Variants in CSMD1 observed in about 807,000 individuals in gnomAD.
CSMD1 encodes the protein CUB and Sushi multiple domains 1.
CSMD1 carries 213 observed loss-of-function variants against 417.5 expected under a neutral mutation model. The ratio of observed to expected loss-of-function variants is 0.51; its 90% CI spans 0.46 to 0.57. The LOEUF is 0.57. Among genes scored for constraint, CSMD1 ranks in the 20% least tolerant of loss-of-function variants. The pLI is 0.00. For synonymous variants in CSMD1, 2,862 were observed against 1,736.8 expected (o/e 1.65, Z -16.11); for missense variants, 6,923 against 4,529.7 (o/e 1.53, Z -15.17).
rs996611516 is a variant in CSMD1 at position 3,667,822 on chromosome 8, A to G, written c.1009+40592T>C. 5.3e-5 allele frequency among the ~76,000 whole-genome samples: 8 copies of G among 152,306 alleles called. No individual in the cohort carries two copies. In the East Asian group the frequency reaches 1.5e-3, roughly 29 times the overall value. ...CAGAAGACCCAGGGCAAATTCATGA[A>G]CAGCAGGCATCCTGGAGTGTCTGTA... On this transcript the variant is annotated intron_variant, in intron 7 of 69. Transcript: ENST00000635120.
chr8:4,433,688 C>T (rs1797995158), intron 2 of CSMD1, among the ~76,000 whole-genome samples: 1 of 152,130 alleles, frequency 6.6e-6, no homozygotes, highest in Non-Finnish European at 1.5e-5. Context: ...CAGTCATTCA[C>T]CTGGCATGTG....
intron 10 of CSMD1, among the ~76,000 whole-genome samples, chr8:3,567,815 C>T (rs539520988): frequency 6.6e-6 from 1 of 152,162 alleles, no homozygotes; most frequent in Non-Finnish European, 1.5e-5. Context: ...CTCTGCAGAT[C>T]CGTCACTATT....
chr8:3,595,265 C>G (rs376086398), intron 8 of CSMD1, among the ~76,000 whole-genome samples: 1 of 152,276 alleles, frequency 6.6e-6, no homozygotes. Context: ...GAAACAATGT[C>G]CCATTGTGTG....
intron 1 of CSMD1, among the ~76,000 whole-genome samples, chr8:4,638,715 G>A (rs1467697028): frequency 6.6e-6 from 1 of 152,158 alleles, no homozygotes; most frequent in African/African-American, 2.4e-5. Flanking sequence ...CCTCCCTTAA[G>A]AACTTCCCTT....
chr8:3,399,311 T>G, intron 16 of CSMD1, 80 bp downstream of exon 16: 1 of 1,346,554 alleles, frequency 7.4e-7, no homozygotes, highest in Non-Finnish European at 1.0e-6. Flanking sequence ...GCCATCTTTT[T>G]AAAGTTTAAG....
chr8:4,425,597 C>T (rs765044721), intron 2 of CSMD1, among the ~76,000 whole-genome samples: 1 of 152,114 alleles, frequency 6.6e-6, no homozygotes, highest in Non-Finnish European at 1.5e-5. Context: ...CATGAAAGTA[C>T]TTCTGTGAGT....
intron 2 of CSMD1, among the ~76,000 whole-genome samples, chr8:4,611,506 G>T (rs564046825): frequency 1.5e-4 from 23 of 152,174 alleles, no homozygotes; most frequent in African/African-American, 4.8e-4. Flanking sequence ...AAAACTTGTG[G>T]ATAAAACTAT....
At chr8:3,553,122 G>A (rs1294710568) in intron 10 of CSMD1, among the ~76,000 whole-genome samples, 36 of 146,784 alleles carry the variant, frequency 2.5e-4, no homozygotes, top group African/African-American at 4.8e-4. Flanking sequence ...TGTGGACAAG[G>A]AGAAAAAAAA....
At chr8:4,420,876 G>T (rs12114400) in intron 2 of CSMD1, among the ~76,000 whole-genome samples, 1 of 152,084 alleles carries the variant, frequency 6.6e-6, no homozygotes, top group African/African-American at 2.4e-5. Context: ...TGTGAAGCCT[G>T]GTCTGTCCTC....
intron 5 of CSMD1, among the ~76,000 whole-genome samples, chr8:3,853,447 T>G (rs1476127902): frequency 6.6e-6 from 1 of 152,186 alleles, no homozygotes; most frequent in Non-Finnish European, 1.5e-5. Flanking sequence ...TCCCAGGAAA[T>G]GGTAAACTCT....
At chr8:3,308,286 A>C (rs1805045218) in intron 24 of CSMD1, 26 bp downstream of exon 24, 1 of 1,575,754 alleles carries the variant, frequency 6.3e-7, no homozygotes, top group African/African-American at 1.3e-5. Flanking sequence ...GCTTTTGCAC[A>C]ATGGTATGAC....
intron 9 of CSMD1, among the ~76,000 whole-genome samples, chr8:3,582,389 G>T (rs1023102220): frequency 1.3e-5 from 2 of 152,158 alleles, no homozygotes; most frequent in Non-Finnish European, 2.9e-5. Flanking sequence ...CATACTCAGG[G>T]TTCCTAAAAG....
rs531014354 is a variant in CSMD1 at position 3,523,376 on chromosome 8, T to C, written c.1345-29650A>G. On this transcript the variant is annotated intron_variant, in intron 10 of 69. Transcript: ENST00000635120. ...TTCTGAGATTACGTGAGATGGAACT[T>C]TGAGGGACAAAGAAAGCTCTCAATG... Among the ~76,000 whole-genome samples the C allele has an allele frequency of 1.5e-3, 230 of 152,300 alleles. 1 individual carries two copies. Among genetic ancestry groups the C allele is most frequent in the African/African-American group, 5.4e-3 (223 of 41,570 alleles).
chr8:4,120,347 A>G (rs1453328280), intron 3 of CSMD1, among the ~76,000 whole-genome samples: 1 of 151,920 alleles, frequency 6.6e-6, no homozygotes, highest in Non-Finnish European at 1.5e-5. Context: ...AGATAAGATT[A>G]TTTTATAAAA....
At chr8:4,153,133 G>C (rs892479958) in intron 3 of CSMD1, among the ~76,000 whole-genome samples, 4 of 152,140 alleles carry the variant, frequency 2.6e-5, no homozygotes, top group Non-Finnish European at 5.9e-5. Flanking sequence ...ATGTTGTATT[G>C]AATACTGAAT....
intron 2 of CSMD1, among the ~76,000 whole-genome samples, chr8:4,625,298 G>T (rs1802031760): frequency 6.6e-6 from 1 of 152,072 alleles, no homozygotes; most frequent in Non-Finnish European, 1.5e-5. Context: ...TGAAAAGAGT[G>T]ATGGAAGTTG....
intron 1 of CSMD1, among the ~76,000 whole-genome samples, chr8:4,857,690 T>C (rs1240878059): frequency 6.6e-6 from 1 of 151,920 alleles, no homozygotes; most frequent in Non-Finnish European, 1.5e-5. Flanking sequence ...CCTGGACACA[T>C]ACACTCTCCC....
At chr8:3,320,420 G>A (rs1202308754) in intron 23 of CSMD1, among the ~76,000 whole-genome samples, 1 of 152,152 alleles carries the variant, frequency 6.6e-6, no homozygotes, top group Non-Finnish European at 1.5e-5. Flanking sequence ...AAGGATTTAT[G>A]AAAACACGAT....
chr8:4,287,646 G>T (rs890936257), intron 3 of CSMD1, among the ~76,000 whole-genome samples: 7 of 132,448 alleles, frequency 5.3e-5, no homozygotes, highest in Non-Finnish European at 9.7e-5. Flanking sequence ...CTGCAGTCTC[G>T]TCATAGGTGG....
Sources: gnomAD v4.1 joint callset for allele counts (sites outside exome capture counted in the v4.1 genomes callset) on GRCh38, gnomAD v4.1.1 for gene constraint, MANE v1.5 for transcripts, NCBI Gene and HGNC (gene_info 2026-07-23, HGNC 2026-07-21) for gene names.